The following TLK1 variants were observed in gnomAD, a reference collection of about 807,000 sequenced individuals.
TLK1 encodes the protein serine/threonine-protein kinase tousled-like 1.
TLK1 carries 24 observed loss-of-function variants against 105.3 expected under a neutral mutation model. That is an observed-to-expected ratio of 0.23 (90% CI 0.17 to 0.32). The LOEUF is 0.32. TLK1 is among the 10% of genes least tolerant of loss of function. The pLI is 1.00. For synonymous variants in TLK1, 321 were observed against 310.4 expected (o/e 1.03, Z -0.36); for missense variants, 558 against 910.5 (o/e 0.61, Z 4.98).
chr2:171,150,265 C>T (rs150987040), intron 1 of TLK1, among the ~76,000 whole-genome samples: 10 of 152,004 alleles, frequency 6.6e-5, no homozygotes, highest in African/African-American at 1.9e-4. Flanking sequence ...ACTCTGCTCT[C>T]GTAATTCCAT....
At chr2:171,037,608 T>G (rs1686430659) in intron 11 of TLK1, among the ~76,000 whole-genome samples, 1 of 151,856 alleles carries the variant, frequency 6.6e-6, no homozygotes, top group Non-Finnish European at 1.5e-5. Context: ...TTTTAAAATT[T>G]TTCGTATCTA....
intron 2 of TLK1, among the ~76,000 whole-genome samples, chr2:171,113,000 C>G (rs940567180): frequency 6.6e-6 from 1 of 151,228 alleles, no homozygotes; most frequent in Admixed American, 6.6e-5. Context: ...GAAAAAGACA[C>G]AAAAAAAGCT....
intron 2 of TLK1, among the ~76,000 whole-genome samples, chr2:171,093,659 TA>T (rs34086607): frequency 7.3e-4 from 108 of 147,440 alleles, no homozygotes; most frequent in East Asian, 2.0e-3. Context: ...GTGAAACCAT[TA>T]AAAAAAAAAA....
chr2:171,160,356 G>C lies in TLK1; in HGVS notation c.73C>G (p.Pro25Ala). 6.2e-7 allele frequency: 1 copy of C among 1,605,548 alleles called. No homozygotes were observed. Among genetic ancestry groups the C allele is most frequent in the East Asian group, 2.3e-5 (1 of 43,332 alleles). Reference sequence around the variant, plus strand: ...GACCTGGCCGCCGCCGCCGAGCCCGGGGTTGGAGACGTGGAGAGCTGGGAC... The same window carrying C: ...GACCTGGCCGCCGCCGCCGAGCCCGCGGTTGGAGACGTGGAGAGCTGGGAC... ...SWSQLSTSPT[P>A]GSAAAARSLL... is the part of the protein sequence containing the mutation. The change falls in exon 1 of 21, where the codon CCG becomes GCG. Residue 25 changes from proline (P) to alanine (A), a missense_variant. Coordinates refer to ENST00000431350, the MANE Select transcript of TLK1 (RefSeq NM_012290.5). The surrounding 1 kb of genome is among the most constrained non-coding windows in gnomAD (Gnocchi z 4.4).
chr2:171,004,183 G>A (rs1002480073), intron 18 of TLK1, among the ~76,000 whole-genome samples: 4 of 152,086 alleles, frequency 2.6e-5, no homozygotes, highest in East Asian at 3.9e-4. Context: ...GGCTGGTCTC[G>A]AACTCCTGAC....
At chr2:171,081,670 G>A (rs1575582371) in intron 3 of TLK1, 5 of 1,304,116 alleles carry the variant, frequency 3.8e-6, no homozygotes, top group African/African-American at 1.5e-5. Flanking sequence ...ATAAAGTCCC[G>A]TCACTTGCAC....
chr2:171,149,467 T>C (rs1285858776), intron 1 of TLK1, among the ~76,000 whole-genome samples: 1 of 152,222 alleles, frequency 6.6e-6, no homozygotes, highest in African/African-American at 2.4e-5. Flanking sequence ...TATGTAATAA[T>C]GTACTTTATA....
intron 2 of TLK1, among the ~76,000 whole-genome samples, chr2:171,112,826 A>T (rs1421454255): frequency 6.6e-6 from 1 of 152,198 alleles, no homozygotes; most frequent in African/African-American, 2.4e-5. Flanking sequence ...ACTTTAAAGG[A>T]TCTAACAGCC....
intron 1 of TLK1, among the ~76,000 whole-genome samples, chr2:171,180,293 A>G (rs1220601414): frequency 6.6e-6 from 1 of 151,992 alleles, no homozygotes; most frequent in African/African-American, 2.4e-5. Flanking sequence ...TCAGGTCCTA[A>G]TCTGATAGGA....
intron 14 of TLK1, among the ~76,000 whole-genome samples, 155 bp downstream of exon 14, chr2:171,011,218 C>T (rs993944411): frequency 4.6e-5 from 7 of 152,048 alleles, no homozygotes; most frequent in Non-Finnish European, 1.0e-4. Context: ...CCAGGTTGGT[C>T]TCAAACTCCT....
rs778322356 is a variant in TLK1 at position 171,006,596 on chromosome 2, T to C, written c.1646A>G (p.Tyr549Cys). Residue 549 changes from tyrosine to cysteine, a missense_variant, in exon 17 of 21, where the codon TAT (tyrosine) becomes TGT (cysteine). By Grantham distance (194) the Tyr-to-Cys change is radical (BLOSUM62 -2). This residue lies in a region of TLK1 where 218 missense variants were observed against 492.9 expected (regional missense o/e 0.44). Coordinates refer to ENST00000431350, the MANE Select transcript of TLK1 (RefSeq NM_012290.5). ...TGACATTAACTTGTGTTGCTTCAGA[T>C]AGAAATCCAAGTCATTGCCTTCACA... ...EYCEGNDLDFYLKQHKLMSEK... is the reference protein window; with the variant it reads ...EYCEGNDLDFCLKQHKLMSEK... 7.4e-6 allele frequency: 12 copies of C among 1,612,918 alleles called. No homozygotes were observed. The highest frequency in any genetic ancestry group is 2.7e-5 in the African/African-American group (2 of 74,902).
chr2:171,011,954 A>T (rs1185474233), intron 13 of TLK1, among the ~76,000 whole-genome samples: 1 of 152,110 alleles, frequency 6.6e-6, no homozygotes, highest in South Asian at 2.1e-4. Context: ...TTAAAAAAAA[A>T]ATCACTCATA....
At chr2:171,022,242 G>A (rs182115836) in intron 12 of TLK1, among the ~76,000 whole-genome samples, 2 of 152,072 alleles carry the variant, frequency 1.3e-5, no homozygotes, top group Non-Finnish European at 2.9e-5. Flanking sequence ...AGGATAGTTT[G>A]CAGGTCCATA....
intron 1 of TLK1, among the ~76,000 whole-genome samples, chr2:171,187,893 A>C (rs1397360185): frequency 2.0e-5 from 3 of 152,220 alleles, no homozygotes; most frequent in Admixed American, 2.0e-4. Context: ...ATTTAATTAT[A>C]TACCAATAAA....
intron 11 of TLK1, among the ~76,000 whole-genome samples, chr2:171,040,834 C>T (rs888945445): frequency 1.3e-5 from 2 of 152,064 alleles, no homozygotes; most frequent in African/African-American, 4.8e-5. Context: ...GTCTCAGCCT[C>T]CCAAAGTGCT....
At chr2:170,996,872 T>A in intron 19 of TLK1, 112 bp from the exon 20 acceptor site, 1 of 852,876 alleles carries the variant, frequency 1.2e-6, no homozygotes, top group Non-Finnish European at 1.8e-6. Context: ...TCTTGTGTTC[T>A]AAAATCTTCC....
chr2:171,203,727 G>T (rs1693445298), intron 1 of TLK1, among the ~76,000 whole-genome samples: 1 of 152,074 alleles, frequency 6.6e-6, no homozygotes, highest in Admixed American at 6.6e-5. Flanking sequence ...ACTACAGGTT[G>T]GTAATCAATG....
rs1683805409 is a variant in TLK1 at position 170,991,994 on chromosome 2, A to G, written c.*1786T>C. 2 of 152,160 alleles carry G rather than the reference A, an allele frequency of 1.3e-5. No homozygotes were observed. The highest frequency in any genetic ancestry group is 2.9e-5 in the Non-Finnish European group (2 of 68,010). 9.4% of individuals were successfully genotyped at this position (152,160 alleles called of 1,614,324 possible). On this transcript the variant is annotated 3_prime_UTR_variant, in exon 21 of 21. Transcript: ENST00000431350. ...TGATGGTTCTAAGTGTTACTTACCC[A>G]GGAGTTGCCTTGATAATGGTTATTA...
chr2:171,094,429 C>T (rs1291749427), intron 2 of TLK1, among the ~76,000 whole-genome samples: 2 of 151,970 alleles, frequency 1.3e-5, no homozygotes, highest in Non-Finnish European at 2.9e-5. Context: ...AAGAAAACTT[C>T]CCTGAGCTGA....
Sources: allele counts gnomAD v4.1 joint callset (sites outside exome capture counted in the v4.1 genomes callset), GRCh38; gene constraint gnomAD v4.1.1; regional missense constraint gnomAD v4.1.1; non-coding constraint Gnocchi (gnomAD v3.1); transcripts MANE v1.5; gene names NCBI Gene and HGNC (gene_info 2026-07-23, HGNC 2026-07-21).